BTN2A2: variants seen among roughly 807,000 people sequenced by gnomAD.
BTN2A2 encodes butyrophilin 2.
In BTN2A2, 29 loss-of-function variants were observed where a neutral mutation model predicts 34.7. The ratio of observed to expected loss-of-function variants is 0.84; its 90% confidence interval spans 0.62 to 1.14. The LOEUF (loss-of-function observed/expected upper bound fraction) is 1.14. Among genes scored for constraint, BTN2A2 ranks in the 50% most tolerant of loss-of-function variants. BTN2A2 has a pLI of 0.00. For synonymous variants in BTN2A2, 240 were observed against 253.1 expected, an observed-to-expected ratio of 0.95 and a Z score of 0.49; for missense variants, 612 against 651.5, an observed-to-expected ratio of 0.94 and a Z score of 0.66.
Position 26,383,641 on chromosome 6 carries a change from C to T in BTN2A2, c.-30-151C>T. The T allele has an allele frequency of 1.5e-6, 1 of 653,454 alleles. No individual in the cohort carries two copies. Among genetic ancestry groups the T allele is most frequent in the Admixed American group, 2.6e-5 (1 of 38,908 alleles). 40.5% of individuals were successfully genotyped at this position (653,454 alleles called of 1,614,324 possible). Reference sequence around the variant, plus strand: ...TTACTTATGGAATGTTTACGGAATCCCTCTTTCGGAGATACCTGAGCCTTG... The same window carrying T: ...TTACTTATGGAATGTTTACGGAATCTCTCTTTCGGAGATACCTGAGCCTTG... On this transcript the variant is annotated intron_variant, in intron 1 of 7. Coordinates refer to ENST00000356709, the MANE Select transcript of BTN2A2 (RefSeq NM_006995.5). This position sits in a 1 kb window ranked among gnomAD's most constrained non-coding sequence, Gnocchi z 4.4.
intron 3 of BTN2A2, among the ~76,000 whole-genome samples, chr6:26,387,579 AAAAAG>A (rs543241885): frequency 0.069 from 10,005 of 145,064 alleles, 460 homozygotes; most frequent in Non-Finnish European, 0.086. Flanking sequence ...AAAAAAAAAA[AAAAAG>A]AAAGAAAGGA....
chr6:26,385,210 G>A lies in BTN2A2; in HGVS notation c.290G>A (p.Arg97Gln), dbSNP rs144702884. ...ERTEEQMEEY[R>Q]GRITFVSKDI... ...ACAGAGGAGCAGATGGAGGAGTACCGGGGAAGAATCACCTTTGTGAGCAAA... is the reference window on the plus strand; with the variant it reads ...ACAGAGGAGCAGATGGAGGAGTACCAGGGAAGAATCACCTTTGTGAGCAAA... The change falls in exon 3 of 8, where the codon CGG becomes CAG. Residue 97 changes from arginine to glutamine, a missense_variant. Coordinates refer to ENST00000356709, the MANE Select transcript of BTN2A2 (RefSeq NM_006995.5). 2.6e-4 allele frequency: 418 copies of A among 1,614,090 alleles called. No individual in the cohort carries two copies. In the African/African-American group the frequency reaches 3.1e-3, roughly 12 times the overall value.
Position 26,383,501 on chromosome 6 carries a change from A to C in BTN2A2, c.-30-291A>C. The stretch of plus-strand genomic sequence containing the variant: ...CCGACCTGGGTCTCGGGGAGGGGGA[A>C]GTGGAGGGACGAGGGTGTGAAAGAA... On this transcript the variant is annotated intron_variant, in intron 1 of 7. Coordinates refer to ENST00000356709, the MANE Select transcript of BTN2A2 (RefSeq NM_006995.5). This position sits in a 1 kb window ranked among gnomAD's most constrained non-coding sequence, Gnocchi z 4.4. The C allele has an allele frequency of 7.1e-6, 2 of 280,824 alleles. No individual in the cohort carries two copies. Among genetic ancestry groups the C allele is most frequent in the Non-Finnish European group, 1.4e-5 (2 of 146,694 alleles). 17.4% of individuals were successfully genotyped at this position (280,824 alleles called of 1,614,324 possible).
chr6:26,384,913 C>T lies in BTN2A2; in HGVS notation c.95-102C>T, dbSNP rs1581588775. ...CTTGGAATATCTGCTTCCTTTCATCCCTGGAGTTTTTTTTGTTTGTTTGTT... is the reference window on the plus strand; with the variant it reads ...CTTGGAATATCTGCTTCCTTTCATCTCTGGAGTTTTTTTTGTTTGTTTGTT... On this transcript the variant is annotated intron_variant, in intron 2 of 7. Coordinates refer to ENST00000356709, the MANE Select transcript of BTN2A2 (RefSeq NM_006995.5). This position sits in a 1 kb window ranked among gnomAD's most constrained non-coding sequence, Gnocchi z 4.0. The T allele has an allele frequency of 2.4e-6, 3 of 1,230,050 alleles. No individual in the cohort carries two copies. The highest frequency in any genetic ancestry group is 2.5e-5 in the East Asian group (1 of 39,646). 76.2% of individuals were successfully genotyped at this position (1,230,050 alleles called of 1,614,324 possible).
intron 5 of BTN2A2, 187 bp downstream of exon 5, chr6:26,390,398 A>G (rs941059259): frequency 1.4e-6 from 1 of 697,118 alleles, no homozygotes; most frequent in Non-Finnish European, 2.4e-6. Flanking sequence ...ATAAGAAGTA[A>G]TCATTCAGAG....
intron 7 of BTN2A2, 116 bp downstream of exon 7, chr6:26,390,945 G>A: frequency 6.6e-7 from 1 of 1,519,638 alleles, no homozygotes; most frequent in Non-Finnish European, 9.1e-7. Flanking sequence ...ATAGGGAACT[G>A]GGGTCAGTTC....
At chr6:26,386,977 G>T (rs1189026730) in intron 3 of BTN2A2, among the ~76,000 whole-genome samples, 11 of 152,204 alleles carry the variant, frequency 7.2e-5, no homozygotes, top group African/African-American at 2.7e-4. Context: ...AACATAATTT[G>T]TTGGGAGACT....
intron 5 of BTN2A2, 183 bp downstream of exon 5, chr6:26,390,394 A>C (rs1761499349): frequency 1.4e-6 from 1 of 704,856 alleles, no homozygotes; most frequent in African/African-American, 1.8e-5. Context: ...TGTCATAAGA[A>C]GTAATCATTC....
Position 26,392,861 on chromosome 6 carries a change from A to G in BTN2A2, c.1466A>G (p.Asp489Gly), listed in dbSNP as rs1169255117. 36 of 1,614,062 alleles carry G rather than the reference A, an allele frequency of 2.2e-5. No homozygotes were observed. The highest frequency in any genetic ancestry group is 3.0e-5 in the Non-Finnish European group (35 of 1,180,034). The change falls in exon 8 of 8, where the codon GAT becomes GGT. Residue 489 changes from aspartate to glycine, a missense_variant. Asp to Gly is a moderately conservative substitution (Grantham distance 94). Transcript: ENST00000356709. ...AGGCCCTTCTTCAGGTTAGGGTCTG[A>G]TGACAGCCCCATCTTCATCTGCCCT... ...PVRPFFRLGS[D>G]DSPIFICPAL...
chr6:26,392,407 C>G lies in BTN2A2; in HGVS notation c.1012C>G (p.Pro338Ala). ...GGTCCTGGATCCAGACACCGCTCAT[C>G]CCGAGCTCTTCCTGTCAGAGGACCG... ...DVVLDPDTAH[P>A]ELFLSEDRRS... The change falls in exon 8 of 8, where the codon CCC (proline) becomes GCC (alanine). Residue 338 changes from proline to alanine, a missense_variant. By Grantham distance (27) the Pro-to-Ala change is conservative. Transcript: ENST00000356709. 6.2e-7 allele frequency: 1 copy of G among 1,614,224 alleles called. No individual in the cohort carries two copies. Among genetic ancestry groups the G allele is most frequent in the South Asian group, 1.1e-5 (1 of 91,084 alleles).
chr6:26,388,262 G>T lies in BTN2A2; in HGVS notation c.692G>T (p.Gly231Val). ...TGCTCTGTCAACAACACCCTGCTCG[G>T]CCAGGAGAAGGAAACTGTCATTTTT... ...VSCSVNNTLLGQEKETVIFIP... is the reference protein window; with the variant it reads ...VSCSVNNTLLVQEKETVIFIP... Residue 231 changes from glycine to valine, a missense_variant, in exon 4 of 8, where the codon GGC becomes GTC. Transcript: ENST00000356709. The T allele has an allele frequency of 6.2e-7, 1 of 1,614,158 alleles. No homozygotes were observed. Among genetic ancestry groups the T allele is most frequent in the Non-Finnish European group, 8.5e-7 (1 of 1,180,012 alleles).
At chr6:26,386,206 A>G (rs971184985) in intron 3 of BTN2A2, among the ~76,000 whole-genome samples, 4 of 152,218 alleles carry the variant, frequency 2.6e-5, no homozygotes, top group Non-Finnish European at 5.9e-5. Context: ...CCACAGAGAA[A>G]GACTAAGAAT....
chr6:26,391,168 T>A, intron 7 of BTN2A2: 1 of 469,314 alleles, frequency 2.1e-6, no homozygotes, highest in Non-Finnish European at 3.9e-6. Context: ...TGAAATAAGA[T>A]AATGCTGTCT....
chr6:26,392,943 A>C lies in BTN2A2; in HGVS notation c.1548A>C (p.Arg516Ser), dbSNP rs773571599. 2 of 1,614,182 alleles carry C rather than the reference A, an allele frequency of 1.2e-6. No individual in the cohort carries two copies. Among genetic ancestry groups the C allele is most frequent in the South Asian group, 2.2e-5 (2 of 91,074 alleles). ...CTGAAGAGGGCCTGAAACTTCACAG[A>C]GTGGGGACCCACCAGAGCCTATAGA... ...MVPEEGLKLH[R>S]VGTHQSL Residue 516 changes from arginine (R) to serine (S), a missense_variant, in exon 8 of 8, where the codon AGA becomes AGC. By Grantham distance (110) the Arg-to-Ser change is moderately radical (BLOSUM62 -1). Coordinates refer to ENST00000356709, the MANE Select transcript of BTN2A2 (RefSeq NM_006995.5).
chr6:26,385,158 T>C lies in BTN2A2; in HGVS notation c.238T>C (p.Phe80Leu). 6.2e-7 allele frequency: 1 copy of C among 1,613,606 alleles called. No individual in the cohort carries two copies. The highest frequency in any genetic ancestry group is 1.1e-5 in the South Asian group (1 of 91,032). Residue 80 changes from phenylalanine (F) to leucine (L), a missense_variant, in exon 3 of 8, where the codon TTT becomes CTT. Physicochemically the swap from Phe to Leu is conservative, Grantham distance 22. Coordinates refer to ENST00000356709, the MANE Select transcript of BTN2A2 (RefSeq NM_006995.5). Reference sequence around the variant, plus strand: ...CCGGTCTCAGTTCTCCCCCGCAGTGTTTGTGTATAAGGGTGGGAGAGAGAG... The same window carrying C: ...CCGGTCTCAGTTCTCCCCCGCAGTGCTTGTGTATAAGGGTGGGAGAGAGAG... ...WFRSQFSPAVFVYKGGRERTE... is the reference protein window; with the variant it reads ...WFRSQFSPAVLVYKGGRERTE...
At position 26,393,311 on chromosome 6, in the gene BTN2A2, G is replaced by C; in HGVS notation, c.*344G>C. 7.9e-7 allele frequency: 1 copy of C among 1,258,402 alleles called. No individual in the cohort carries two copies. The highest frequency in any genetic ancestry group is 4.3e-5 in the East Asian group (1 of 23,240). 78.0% of individuals were successfully genotyped at this position (1,258,402 alleles called of 1,614,324 possible). ...CCACATTAAGCCCAATATGCCAGTT[G>C]GCACCAGATGCTGTGGACTTGGAAT... On this transcript the variant is annotated 3_prime_UTR_variant, in exon 8 of 8. Transcript: ENST00000356709.
Position 26,392,182 on chromosome 6 carries a change from GTC to G in BTN2A2, c.980-189_980-188del, listed in dbSNP as rs577313205. On this transcript the variant is annotated intron_variant, in intron 7 of 7. Coordinates refer to ENST00000356709, the MANE Select transcript of BTN2A2 (RefSeq NM_006995.5). The stretch of plus-strand genomic sequence containing the variant: ...TTCTCAACCTGGGGGCACTGCTTCT[GTC>G]TCTGGAGAGATAGAAGTGCAGCTTC... 2,729 of 1,509,792 alleles carry G rather than the reference GTC, an allele frequency of 1.8e-3. 9 individuals carry two copies. The highest frequency in any genetic ancestry group is 2.1e-3 in the Non-Finnish European group (2,398 of 1,119,844). 93.5% of individuals were successfully genotyped at this position (1,509,792 alleles called of 1,614,324 possible).
chr6:26,393,137 C>T lies in BTN2A2; in HGVS notation c.*170C>T. On this transcript the variant is annotated 3_prime_UTR_variant, in exon 8 of 8. Transcript: ENST00000356709. The stretch of plus-strand genomic sequence containing the variant: ...CAGCCCTCTGCCCCAGTTTTCTCCT[C>T]CTCACTAGTCTGTGGCTTTAGTAGT... The T allele has an allele frequency of 6.2e-7, 1 of 1,603,846 alleles. No individual in the cohort carries two copies. The highest frequency in any genetic ancestry group is 8.5e-7 in the Non-Finnish European group (1 of 1,175,144).
Position 26,394,071 on chromosome 6 carries a change from C to T in BTN2A2, c.*1104C>T, listed in dbSNP as rs1311028182. ...TTATCATATCTGCCTTTGTATTAAACCTATTGGTATATCATAGGTCATGTT... is the reference window on the plus strand; with the variant it reads ...TTATCATATCTGCCTTTGTATTAAATCTATTGGTATATCATAGGTCATGTT... On this transcript the variant is annotated 3_prime_UTR_variant, in exon 8 of 8. Transcript: ENST00000356709. The T allele has an allele frequency of 4.6e-6, 2 of 431,294 alleles. No individual in the cohort carries two copies. The highest frequency in any genetic ancestry group is 8.1e-5 in the Admixed American group (2 of 24,808). The allele number at this position is 431,294 out of a possible 1,614,324, so 26.7% of individuals were successfully genotyped here.
Sources: allele counts gnomAD v4.1 joint callset (sites outside exome capture counted in the v4.1 genomes callset), GRCh38; gene constraint gnomAD v4.1.1; non-coding constraint Gnocchi (gnomAD v3.1); transcripts MANE v1.5; gene names NCBI Gene and HGNC (gene_info 2026-07-23, HGNC 2026-07-21).